The following RARRES1 variants were observed in gnomAD, a reference collection of about 807,000 sequenced individuals.
RARRES1 encodes retinoic acid receptor responder 1.
Under a neutral mutation model 30.6 loss-of-function variants are expected in RARRES1, and 34 were observed. The observed-to-expected ratio is 1.11, with a 90% CI of 0.84 to 1.48. RARRES1 has a LOEUF of 1.48. Ranked by LOEUF, RARRES1 falls within the 40% of genes most tolerant of loss-of-function variation. The pLI is 0.00. For missense variants in RARRES1, 373 were observed against 386.5 expected (o/e 0.97, Z 0.29); for synonymous variants, 153 against 155.5 (o/e 0.98, Z 0.12).
intron 1 of RARRES1, among the ~76,000 whole-genome samples, chr3:158,726,622 G>A (rs1727697470): frequency 6.6e-6 from 1 of 152,244 alleles, no homozygotes; most frequent in African/African-American, 2.4e-5. Context: ...CAAGTTAAAT[G>A]CTTTAGAAAT....
At position 158,732,423 on chromosome 3, in the gene RARRES1, G is replaced by GGAAA; in HGVS notation, c.-12_-9dup. 1 of 1,517,436 alleles carries GGAAA rather than the reference G, an allele frequency of 6.6e-7. No individual in the cohort carries two copies. Among genetic ancestry groups the GGAAA allele is most frequent in the Non-Finnish European group, 8.8e-7 (1 of 1,137,854 alleles). The allele number at this position is 1,517,436 out of a possible 1,614,324, so 94.0% of individuals were successfully genotyped here. ...TTGCCGGCGGGGCTGCATGGACGCA[G>GGAAA]GAAAGTTGGCTCGGCACCCGACAGA... On this transcript the variant is annotated 5_prime_UTR_variant, in exon 1 of 6. Coordinates refer to ENST00000237696, the MANE Select transcript of RARRES1 (RefSeq NM_206963.2).
At chr3:158,706,939 G>C (rs561335568) in intron 3 of RARRES1, among the ~76,000 whole-genome samples, 2 of 152,068 alleles carry the variant, frequency 1.3e-5, no homozygotes, top group South Asian at 2.1e-4. Context: ...GAGGCCAAGG[G>C]GGGTGGATCA....
intron 1 of RARRES1, among the ~76,000 whole-genome samples, chr3:158,731,919 G>A (rs565216767): frequency 6.6e-6 from 1 of 152,248 alleles, no homozygotes; most frequent in Non-Finnish European, 1.5e-5. Flanking sequence ...GAAGGAACGA[G>A]CCAGATTTCT....
At chr3:158,729,174 C>T (rs1215366995) in intron 1 of RARRES1, among the ~76,000 whole-genome samples, 1 of 151,964 alleles carries the variant, frequency 6.6e-6, no homozygotes, top group African/African-American at 2.4e-5. Context: ...TATTTCCATT[C>T]CAAACAGGGA....
chr3:158,697,315 A>T lies in RARRES1; in HGVS notation c.*363T>A, dbSNP rs554629521. 5.9e-6 allele frequency: 1 copy of T among 168,730 alleles called. No homozygotes were observed. The highest frequency in any genetic ancestry group is 1.7e-4 in the East Asian group (1 of 6,050). 10.5% of individuals were successfully genotyped at this position (168,730 alleles called of 1,614,324 possible). On this transcript the variant is annotated 3_prime_UTR_variant, in exon 6 of 6. Transcript: ENST00000237696. Reference sequence around the variant, plus strand: ...AAATATATTAGCTATAGTATGTTCAAAAGAATGAGAAATATAAATTCAGAG... The same window carrying T: ...AAATATATTAGCTATAGTATGTTCATAAGAATGAGAAATATAAATTCAGAG...
At chr3:158,698,029 T>C in intron 4 of RARRES1, 59 bp from the exon 5 acceptor site, 1 of 1,208,328 alleles carries the variant, frequency 8.3e-7, no homozygotes, top group Non-Finnish European at 1.2e-6. Flanking sequence ...GTAATAACTA[T>C]ACAATACATT....
At chr3:158,708,099 T>G (rs1266524642) in intron 3 of RARRES1, among the ~76,000 whole-genome samples, 3 of 152,246 alleles carry the variant, frequency 2.0e-5, no homozygotes, top group Non-Finnish European at 2.9e-5. Context: ...TTTTTTTTCC[T>G]CATTGCTATG....
intron 1 of RARRES1, among the ~76,000 whole-genome samples, chr3:158,716,492 CAA>C (rs1400941347): frequency 2.0e-5 from 3 of 152,108 alleles, no homozygotes; most frequent in African/African-American, 7.2e-5. Flanking sequence ...CACATGGAGG[CAA>C]AGTGAGAAGG....
chr3:158,732,205 TGAA>T lies in RARRES1; in HGVS notation c.208_210del (p.Phe70del), dbSNP rs1356505132. On this transcript the variant is annotated inframe_deletion, in exon 1 of 6. Coordinates refer to ENST00000237696, the MANE Select transcript of RARRES1 (RefSeq NM_206963.2). ...GCGCTGGGCGAGCCGGACCGGAAGT[TGAA>T]GAAGTGAAGCGCCGCGCGCGCCGCC... The T allele has an allele frequency of 3.5e-6, 5 of 1,417,918 alleles. No individual in the cohort carries two copies. Among genetic ancestry groups the T allele is most frequent in the African/African-American group, 1.5e-5 (1 of 66,522 alleles). 87.8% of individuals were successfully genotyped at this position (1,417,918 alleles called of 1,614,324 possible).
chr3:158,710,834 G>A lies in RARRES1; in HGVS notation c.439C>T (p.Arg147Trp), dbSNP rs77030300. The A allele has an allele frequency of 1.2e-5, 20 of 1,613,160 alleles. No individual in the cohort carries two copies. Among genetic ancestry groups the A allele is most frequent in the African/African-American group, 1.2e-4 (9 of 74,938 alleles). ...PRPTINVTCT[R>W]LIEKKKRQQE... ...TGTCTTTTCTTTTTCTCGATGAGCC[G>A]TGTACAAGTTACATTGATGGTTGGT... The change falls in exon 3 of 6, where the codon CGG (arginine) becomes TGG (tryptophan). Residue 147 changes from arginine (R) to tryptophan (W), a missense_variant. Transcript: ENST00000237696.
chr3:158,705,592 C>T (rs1726892838), intron 3 of RARRES1: 1 of 152,234 alleles, frequency 6.6e-6, no homozygotes, highest in Non-Finnish European at 1.5e-5. Flanking sequence ...AGGTGAAGGC[C>T]ACTGTGCTGG....
At chr3:158,730,732 G>A (rs984888875) in intron 1 of RARRES1, among the ~76,000 whole-genome samples, 1 of 151,966 alleles carries the variant, frequency 6.6e-6, no homozygotes, top group Non-Finnish European at 1.5e-5. Flanking sequence ...GATTACAGGC[G>A]TGAGCCACCA....
At chr3:158,721,863 G>A (rs767950485) in intron 1 of RARRES1, among the ~76,000 whole-genome samples, 7 of 152,064 alleles carry the variant, frequency 4.6e-5, no homozygotes, top group Non-Finnish European at 1.0e-4. Context: ...GGCCGAGGTG[G>A]GGCAGATCAC....
At chr3:158,700,513 C>T (rs370679013) in intron 4 of RARRES1, among the ~76,000 whole-genome samples, 5 of 152,182 alleles carry the variant, frequency 3.3e-5, no homozygotes, top group South Asian at 2.1e-4. Context: ...ATAAAGTTAT[C>T]GAAACATCCC....
intron 1 of RARRES1, among the ~76,000 whole-genome samples, chr3:158,721,894 C>T (rs1247927464): frequency 2.0e-5 from 3 of 151,990 alleles, no homozygotes; most frequent in Admixed American, 2.0e-4. Flanking sequence ...GTGTTCGAGA[C>T]CAGCCTGACC....
chr3:158,705,028 C>G lies in RARRES1; in HGVS notation c.536-101G>C, dbSNP rs994916116. 4.9e-6 allele frequency: 7 copies of G among 1,430,064 alleles called. No homozygotes were observed. In the African/African-American group the frequency reaches 1.0e-4, roughly 20 times the overall value. 88.6% of individuals were successfully genotyped at this position (1,430,064 alleles called of 1,614,324 possible). ...AGGGTTTAAACTTAGTCATACCAGT[C>G]ATCTCTCTCACAGCAAGACCTTGAG... On this transcript the variant is annotated intron_variant, in intron 3 of 5. Transcript: ENST00000237696.
At chr3:158,697,857 T>C (rs1726596627) in intron 5 of RARRES1, 30 bp from the exon 6 acceptor site, 1 of 1,594,130 alleles carries the variant, frequency 6.3e-7, no homozygotes, top group Non-Finnish European at 8.6e-7. Context: ...AATATTATAA[T>C]CTGCAAAAAC....
chr3:158,708,899 C>T (rs1479409163), intron 3 of RARRES1, among the ~76,000 whole-genome samples: 2 of 152,096 alleles, frequency 1.3e-5, no homozygotes, highest in Non-Finnish European at 2.9e-5. Context: ...CCTCGTGATC[C>T]GCCCGCCTCG....
chr3:158,711,115 A>G lies in RARRES1; in HGVS notation c.340-182T>C, dbSNP rs1348351675. On this transcript the variant is annotated intron_variant, in intron 2 of 5. Transcript: ENST00000237696. ...ATACAACAGTCCTTCTCTCTTTGCTATCATTTAAACTCTTGTCTTCTGATT... is the reference window on the plus strand; with the variant it reads ...ATACAACAGTCCTTCTCTCTTTGCTGTCATTTAAACTCTTGTCTTCTGATT... Among the ~76,000 whole-genome samples the G allele has an allele frequency of 3.3e-5, 5 of 152,216 alleles. No individual in the cohort carries two copies. The South Asian group carries it at 6.2e-4, about 19-fold the overall frequency.
Sources: allele counts gnomAD v4.1 joint callset (sites outside exome capture counted in the v4.1 genomes callset), GRCh38; gene constraint gnomAD v4.1.1; transcripts MANE v1.5; gene names NCBI Gene and HGNC (gene_info 2026-07-23, HGNC 2026-07-21).